Variants in TEX52 observed in about 807,000 individuals in gnomAD.
TEX52 encodes testis-expressed protein 52.
In TEX52, 22 loss-of-function variants were observed where a neutral mutation model predicts 17.6. The ratio of observed to expected loss-of-function variants is 1.25; its 90% CI spans 0.89 to 1.78. The LOEUF (loss-of-function observed/expected upper bound fraction) is 1.78. Ranked by LOEUF, TEX52 falls within the 40% of genes most tolerant of loss-of-function variation. The pLI, the probability that TEX52 is intolerant of heterozygous loss-of-function variation, is 0.00. For synonymous variants in TEX52, 168 were observed against 147.4 expected (o/e 1.14, Z -1.01); for missense variants, 396 against 372.3 (o/e 1.06, Z -0.52).
chr12:2,848,898 C>CAG (rs1344075585), downstream of TEX52: 1 of 343,910 alleles, frequency 2.9e-6, no homozygotes, highest in Non-Finnish European at 5.3e-6. Flanking sequence ...CACACACACA[C>CAG]ACACACACAC....
rs1028333648 is a variant in TEX52 at position 2,855,102 on chromosome 12, G to T, written c.417C>A (p.Ile139=). The T allele has an allele frequency of 1.2e-5, 19 of 1,535,602 alleles. No homozygotes were observed. Among genetic ancestry groups the T allele is most frequent in the Non-Finnish European group, 1.7e-5 (19 of 1,146,572 alleles). The change falls in exon 2 of 3, where the codon ATC becomes ATA. Residue 139 remains isoleucine, a synonymous_variant. Transcript: ENST00000637658. ...TTTGCCCCATCCAGGAGGGAGGGGG[G>T]ATGGGGTGCTCCGTGGGGGGGCATC... is the stretch of plus-strand genomic sequence containing the variant. ...AHRCPPTEHP[I]PPPSWMGQNS...
downstream of TEX52, among the ~76,000 whole-genome samples, chr12:2,847,842 C>A (rs1370388723): frequency 6.6e-6 from 1 of 152,176 alleles, no homozygotes; most frequent in East Asian, 1.9e-4. Flanking sequence ...TTTCACTCAG[C>A]ATGATGTTTT....
At chr12:2,856,409 G>C (rs2098087434) in intron 1 of TEX52, among the ~76,000 whole-genome samples, 1 of 152,170 alleles carries the variant, frequency 6.6e-6, no homozygotes, top group Admixed American at 6.5e-5. Context: ...TTGTTACCCA[G>C]GCTGGAGGTG....
rs2098083958 is a variant in TEX52, at chr12:2,855,320, G to A, written c.199C>T (p.Leu67=). ...RQAYHQLALK[L]PPCTDMKSKV... ...GACTTCATATCTGTGCAGGGCGGCA[G>A]CTTCAGAGCCAGCTGGTGGTAGGCT... The change falls in exon 2 of 3, where the codon CTG becomes TTG. Residue 67 remains leucine, a synonymous_variant. Coordinates refer to ENST00000637658, the MANE Select transcript of TEX52 (RefSeq NM_001365174.2). The A allele has an allele frequency of 6.5e-7, 1 of 1,531,736 alleles. No individual in the cohort carries two copies. Among genetic ancestry groups the A allele is most frequent in the Admixed American group, 2.0e-5 (1 of 50,818 alleles). The allele number at this position is 1,531,736 out of a possible 1,614,324, so 94.9% of individuals were successfully genotyped here.
chr12:2,856,064 G>A (rs1334525024), intron 1 of TEX52, among the ~76,000 whole-genome samples: 3 of 152,066 alleles, frequency 2.0e-5, no homozygotes, highest in Non-Finnish European at 4.4e-5. Context: ...TAAATAAACA[G>A]CAGCAAGTAC....
In TEX52 at chr12:2,856,988, AC is replaced by A. The variant is rs566033839; in HGVS notation, c.38del (p.Ser13IlefsTer53). 173 of 703,034 alleles carry A rather than the reference AC, an allele frequency of 2.5e-4. 1 individual carries two copies. The African/African-American group carries it at 2.7e-3, about 11-fold the overall frequency. The allele number at this position is 703,034 out of a possible 1,614,324, so 43.5% of individuals were successfully genotyped here. ...AAGGTTCTTCCATATGAGATGGGTGACTGGGCCCTCTGAGTGATCTTTGCCG... is the reference window on the plus strand; with the variant it reads ...AAGGTTCTTCCATATGAGATGGGTGATGGGCCCTCTGAGTGATCTTTGCCG... The part of the protein sequence containing the change: ...SNRQRSLRGP[S>X]HPSHMEEPFL... On this transcript the variant is annotated frameshift_variant, in exon 1 of 3. Coordinates refer to ENST00000637658, the MANE Select transcript of TEX52 (RefSeq NM_001365174.2). LOFTEE classifies it high-confidence loss of function.
chr12:2,850,947 C>G (rs1015476380), intron 2 of TEX52, among the ~76,000 whole-genome samples: 1 of 148,276 alleles, frequency 6.7e-6, no homozygotes, highest in Non-Finnish European at 1.5e-5. Flanking sequence ...GCTGAGATTA[C>G]AAGCATGAGC....
intron 2 of TEX52, among the ~76,000 whole-genome samples, chr12:2,854,493 G>A (rs1042614055): frequency 1.3e-5 from 2 of 152,124 alleles, no homozygotes; most frequent in Admixed American, 1.3e-4. Context: ...CCAGGCCTTC[G>A]GGCTACAGCT....
At chr12:2,856,769 G>A (rs2098088650) in intron 1 of TEX52, among the ~76,000 whole-genome samples, 186 bp downstream of exon 1, 1 of 152,198 alleles carries the variant, frequency 6.6e-6, no homozygotes, top group Admixed American at 6.5e-5. Flanking sequence ...TGTGGCACTA[G>A]CCAGGCATCT....
At position 2,849,329 on chromosome 12, in the gene TEX52, T is replaced by A; in HGVS notation, c.820A>T (p.Ile274Leu). The change falls in exon 3 of 3, where the codon ATA (isoleucine) becomes TTA (leucine). Residue 274 changes from isoleucine to leucine, a missense_variant. Physicochemically the swap from Ile to Leu is conservative, Grantham distance 5. Coordinates refer to ENST00000637658, the MANE Select transcript of TEX52 (RefSeq NM_001365174.2). ...QDLIRDFQTLIKDRTALPLHH... is the reference protein window; with the variant it reads ...QDLIRDFQTLLKDRTALPLHH... ...AGGGGTAAGGCAGTTCTGTCCTTTA[T>A]CAGGGTTTGGAAATCCCTTATGAGG... 1 of 1,536,176 alleles carries A rather than the reference T, an allele frequency of 6.5e-7. No individual in the cohort carries two copies. The highest frequency in any genetic ancestry group is 8.7e-7 in the Non-Finnish European group (1 of 1,146,922).
chr12:2,852,905 A>T (rs989025816), intron 2 of TEX52, among the ~76,000 whole-genome samples: 1 of 151,748 alleles, frequency 6.6e-6, no homozygotes. Context: ...AGGCTGAGGC[A>T]GGGAGAATGG....
intron 2 of TEX52, among the ~76,000 whole-genome samples, chr12:2,853,504 C>T (rs2098077725): frequency 6.6e-6 from 1 of 152,146 alleles, no homozygotes; most frequent in Non-Finnish European, 1.5e-5. Context: ...AACTCCTGAC[C>T]TCAGGCGATC....
rs561590705 is a variant in TEX52 at position 2,849,463 on chromosome 12, G to A, written c.686C>T (p.Pro229Leu). The stretch of plus-strand genomic sequence containing the variant: ...GCTCCTGGCGAAATTATTGGGAAAC[G>A]GGTTGGGCATGAGCTGGAGGCCCTG... ...EPQGLQLMPN[P>L]FPNNFARSWP... Residue 229 changes from proline (P) to leucine (L), a missense_variant, in exon 3 of 3, where the codon CCG (proline) becomes CTG (leucine). By Grantham distance (98) the Pro-to-Leu change is moderately conservative (BLOSUM62 -3). Coordinates refer to ENST00000637658, the MANE Select transcript of TEX52 (RefSeq NM_001365174.2). 16 of 1,536,174 alleles carry A rather than the reference G, an allele frequency of 1.0e-5. No homozygotes were observed. Among genetic ancestry groups the A allele is most frequent in the African/African-American group, 2.7e-5 (2 of 73,182 alleles).
chr12:2,849,146 C>T lies in TEX52; in HGVS notation c.*85G>A. The T allele has an allele frequency of 3.6e-6, 5 of 1,390,886 alleles. No individual in the cohort carries two copies. The highest frequency in any genetic ancestry group is 3.8e-6 in the Non-Finnish European group (4 of 1,052,284). The allele number at this position is 1,390,886 out of a possible 1,614,324, so 86.2% of individuals were successfully genotyped here. ...AGAAGCCAGAGTCCTTTTGCTACCCCAGGGCCTCTTGCTGAAGGAGCATTG... is the reference window on the plus strand; with the variant it reads ...AGAAGCCAGAGTCCTTTTGCTACCCTAGGGCCTCTTGCTGAAGGAGCATTG... On this transcript the variant is annotated 3_prime_UTR_variant, in exon 3 of 3. Coordinates refer to ENST00000637658, the MANE Select transcript of TEX52 (RefSeq NM_001365174.2).
At chr12:2,850,129 A>G (rs1386571009) in intron 2 of TEX52, among the ~76,000 whole-genome samples, 1 of 152,056 alleles carries the variant, frequency 6.6e-6, no homozygotes, top group Non-Finnish European at 1.5e-5. Context: ...CACTGCCCTC[A>G]AGGTCAGTTA....
In TEX52 at chr12:2,849,144, C is replaced by T; in HGVS notation, c.*87G>A. ...GCAGAAGCCAGAGTCCTTTTGCTACCCCAGGGCCTCTTGCTGAAGGAGCAT... is the reference window on the plus strand; with the variant it reads ...GCAGAAGCCAGAGTCCTTTTGCTACTCCAGGGCCTCTTGCTGAAGGAGCAT... On this transcript the variant is annotated 3_prime_UTR_variant, in exon 3 of 3. Transcript: ENST00000637658. 7.2e-7 allele frequency: 1 copy of T among 1,387,712 alleles called. No individual in the cohort carries two copies. Among genetic ancestry groups the T allele is most frequent in the Non-Finnish European group, 9.5e-7 (1 of 1,049,788 alleles). The allele number at this position is 1,387,712 out of a possible 1,614,324, so 86.0% of individuals were successfully genotyped here. A position where few individuals can be genotyped will look rare whatever the true frequency, so the allele number is the denominator to read the frequency against.
intron 2 of TEX52, among the ~76,000 whole-genome samples, chr12:2,854,567 G>A (rs1016072983): frequency 2.6e-5 from 4 of 152,146 alleles, no homozygotes; most frequent in Admixed American, 1.3e-4. Flanking sequence ...CGCACTCTGG[G>A]CCCTTTGCAT....
chr12:2,847,868 C>G (rs1232021332), downstream of TEX52, among the ~76,000 whole-genome samples: 3 of 152,222 alleles, frequency 2.0e-5, no homozygotes, highest in African/African-American at 7.2e-5. Flanking sequence ...TTCATCCACA[C>G]TGTAGCATCT....
At chr12:2,853,745 G>A (rs1005669423) in intron 2 of TEX52, among the ~76,000 whole-genome samples, 1 of 152,104 alleles carries the variant, frequency 6.6e-6, no homozygotes, top group East Asian at 1.9e-4. Context: ...CATGCGTAGT[G>A]CCTGGGCTGG....
Sources: gnomAD v4.1 joint callset for allele counts (sites outside exome capture counted in the v4.1 genomes callset) on GRCh38, gnomAD v4.1.1 for gene constraint, MANE v1.5 for transcripts, NCBI Gene and HGNC (gene_info 2026-07-23, HGNC 2026-07-21) for gene names.